RBM39: variants seen among roughly 807,000 people sequenced by gnomAD.
The protein encoded by RBM39 is RNA-binding protein 39.
RBM39 carries 12 observed loss-of-function variants against 79.6 expected under a neutral mutation model. That is an observed-to-expected ratio of 0.15 (90% CI 0.10 to 0.24). The LOEUF (loss-of-function observed/expected upper bound fraction) is 0.24. RBM39 is among the 10% of genes least tolerant of loss of function. The pLI is 1.00. For missense variants in RBM39, 243 were observed against 653.4 expected (o/e 0.37, Z 6.85); for synonymous variants, 185 against 208.4 (o/e 0.89, Z 0.97).
chr20:35,724,188 C>T (rs555191371), intron 8 of RBM39, among the ~76,000 whole-genome samples: 2 of 151,864 alleles, frequency 1.3e-5, no homozygotes, highest in African/African-American at 2.4e-5. Context: ...AAAAAGTAGC[C>T]GAACGTGGTG....
At chr20:35,720,621 AT>A (rs2037787643) in intron 9 of RBM39, among the ~76,000 whole-genome samples, 1 of 151,220 alleles carries the variant, frequency 6.6e-6, no homozygotes, top group Non-Finnish European at 1.5e-5. Context: ...AAAAAAAAAA[AT>A]TAGTCGAGCA....
At chr20:35,708,912 C>A (rs957387779) in intron 13 of RBM39, 13 of 228,534 alleles carry the variant, frequency 5.7e-5, no homozygotes, top group Non-Finnish European at 3.5e-5. Context: ...TACTTCATTT[C>A]CTGACTTCTA....
chr20:35,707,851 T>G, intron 13 of RBM39: 3 of 458,672 alleles, frequency 6.5e-6, no homozygotes, highest in South Asian at 4.8e-5. Flanking sequence ...TACTGGGGTT[T>G]GAAGTTTAAA....
intron 9 of RBM39, among the ~76,000 whole-genome samples, chr20:35,719,439 C>T (rs888172205): frequency 3.9e-5 from 6 of 152,222 alleles, no homozygotes; most frequent in Non-Finnish European, 8.8e-5. Context: ...CAGTGGCTCA[C>T]GCCTGTAATG....
intron 8 of RBM39, 116 bp from the exon 9 acceptor site, chr20:35,721,993 G>A (rs1049056036): frequency 3.7e-5 from 45 of 1,201,808 alleles, no homozygotes; most frequent in East Asian, 4.8e-5. Context: ...ACTACCCTAC[G>A]TAAGTCAGAT....
intron 3 of RBM39, chr20:35,734,168 G>C (rs1200042614): frequency 2.3e-6 from 3 of 1,287,444 alleles, no homozygotes; most frequent in Non-Finnish European, 3.1e-6. Flanking sequence ...ATTGAAAATA[G>C]AAAATGAAGA....
rs56410357 is a variant in RBM39, at chr20:35,728,670, G to A, written c.416+642C>T. Among the ~76,000 whole-genome samples, 469 of 152,202 alleles carry A rather than the reference G, an allele frequency of 3.1e-3. 3 individuals are homozygous for A. The East Asian group carries it at 0.041, about 13-fold the overall frequency. The stretch of plus-strand genomic sequence containing the variant: ...CACATGCCTGTACTCCCAGCTACTC[G>A]GGAGGCTGAGGCAGGAGAATCACTT... On this transcript the variant is annotated intron_variant, in intron 6 of 16. Transcript: ENST00000253363.
rs1472707935 is a variant in RBM39, at chr20:35,706,968, A to G, written c.1307+152T>C. On this transcript the variant is annotated intron_variant, in intron 14 of 16. Coordinates refer to ENST00000253363, the MANE Select transcript of RBM39 (RefSeq NM_184234.3). ...CTTGAACCCAGGAGGCGGAGGTTGC[A>G]GTAAGCCAAGATCGCGCCATTGCAC... 1.7e-5 allele frequency: 6 copies of G among 360,284 alleles called. No individual in the cohort carries two copies. The South Asian group carries it at 2.1e-4, about 13-fold the overall frequency. 22.3% of individuals were successfully genotyped at this position (360,284 alleles called of 1,614,324 possible).
chr20:35,710,011 A>T (rs2036202496), intron 12 of RBM39, among the ~76,000 whole-genome samples: 1 of 152,212 alleles, frequency 6.6e-6, no homozygotes. Flanking sequence ...ATTTTCTCAT[A>T]TAATCGTTAG....
intron 15 of RBM39, 50 bp from the exon 16 acceptor site, chr20:35,704,796 G>T: frequency 6.6e-7 from 1 of 1,525,162 alleles, no homozygotes; most frequent in South Asian, 1.2e-5. Flanking sequence ...ATGCAAAATG[G>T]ACCCAAGTTA....
intron 9 of RBM39, among the ~76,000 whole-genome samples, chr20:35,719,573 A>G (rs1485645930): frequency 1.3e-5 from 2 of 151,794 alleles, no homozygotes; most frequent in Non-Finnish European, 1.5e-5. Context: ...GCTACTCAGG[A>G]GGCTGAGGCA....
intron 9 of RBM39, among the ~76,000 whole-genome samples, chr20:35,718,202 TA>T (rs1351808919): frequency 6.6e-6 from 1 of 151,536 alleles, no homozygotes; most frequent in Non-Finnish European, 1.5e-5. Flanking sequence ...ACCAAAATTT[TA>T]AAAAAGAAAC....
chr20:35,725,783 C>A (rs1367160950), intron 6 of RBM39, among the ~76,000 whole-genome samples: 1 of 151,818 alleles, frequency 6.6e-6, no homozygotes, highest in Non-Finnish European at 1.5e-5. Flanking sequence ...GCTGCCTCAG[C>A]CTCCTGAGTA....
At position 35,702,073 on chromosome 20, in the gene RBM39, T is replaced by TA. The variant is rs961550766; in HGVS notation, c.*2407dup. ...TCCACAAAACTTACTAGTTTGATGA[T>TA]AAAAAGCTTCTGTAATGAGGCAGTT... On this transcript the variant is annotated 3_prime_UTR_variant, in exon 17 of 17. Transcript: ENST00000253363. 1 of 152,152 alleles carries TA rather than the reference T, an allele frequency of 6.6e-6. No individual in the cohort carries two copies. The highest frequency in any genetic ancestry group is 6.5e-5 in the Admixed American group (1 of 15,272). The allele number at this position is 152,152 out of a possible 1,614,324, so 9.4% of individuals were successfully genotyped here.
In RBM39 at chr20:35,725,184, T is replaced by C. The variant is rs768909870; in HGVS notation, c.417-29A>G. 6.1e-6 allele frequency: 8 copies of C among 1,310,592 alleles called. No homozygotes were observed. The East Asian group carries it at 1.9e-4, about 31-fold the overall frequency. 81.2% of individuals were successfully genotyped at this position (1,310,592 alleles called of 1,614,324 possible). A position where few individuals can be genotyped will look rare whatever the true frequency, so the allele number is the denominator to read the frequency against. On this transcript the variant is annotated intron_variant, in intron 6 of 16. Coordinates refer to ENST00000253363, the MANE Select transcript of RBM39 (RefSeq NM_184234.3). ...ATAGGAGTAAAACATATAAAATTAA[T>C]TTCATAACAGATTTTAAAATAATTT... is the stretch of plus-strand genomic sequence containing the variant.
In RBM39 at chr20:35,701,940, A is replaced by G. The variant is rs2035303441; in HGVS notation, c.*2541T>C. 1 of 148,778 alleles carries G rather than the reference A, an allele frequency of 6.7e-6. No individual in the cohort carries two copies. Among genetic ancestry groups the G allele is most frequent in the Non-Finnish European group, 1.5e-5 (1 of 67,744 alleles). 9.2% of individuals were successfully genotyped at this position (148,778 alleles called of 1,614,324 possible). ...ACCTAGTGGCTTTATCAGAAAAAGC[A>G]AAACAGTTCATCCACTGTAAAAAAA... is the stretch of plus-strand genomic sequence containing the variant. On this transcript the variant is annotated 3_prime_UTR_variant, in exon 17 of 17. Coordinates refer to ENST00000253363, the MANE Select transcript of RBM39 (RefSeq NM_184234.3).
chr20:35,742,002 CTG>C lies in RBM39; in HGVS notation c.-77_-76del. The C allele has an allele frequency of 1.2e-5, 3 of 257,536 alleles. No individual in the cohort carries two copies. Among genetic ancestry groups the C allele is most frequent in the Non-Finnish European group, 2.3e-5 (3 of 128,654 alleles). The allele number at this position is 257,536 out of a possible 1,614,324, so 16.0% of individuals were successfully genotyped here. On this transcript the variant is annotated 5_prime_UTR_variant, in exon 1 of 17. Transcript: ENST00000253363. ...CGGGAAGAGATTGCTGCTGCTGCTG[CTG>C]CTGCTGCCGCCGCCGCCGCTTCTGT...
chr20:35,730,737 A>C (rs755425260), intron 4 of RBM39, among the ~76,000 whole-genome samples: 4 of 151,976 alleles, frequency 2.6e-5, no homozygotes, highest in Admixed American at 6.6e-5. Context: ...GATTTAACAT[A>C]ATCCCATTTT....
chr20:35,722,412 AAATAAAAAT>A (rs1363228572), intron 8 of RBM39, among the ~76,000 whole-genome samples: 1 of 133,870 alleles, frequency 7.5e-6, no homozygotes, highest in Non-Finnish European at 1.5e-5. Flanking sequence ...GTCTCAAAAA[AAATAAAAAT>A]AAAAAAAAAA....
Sources: allele counts gnomAD v4.1 joint callset (sites outside exome capture counted in the v4.1 genomes callset), GRCh38; gene constraint gnomAD v4.1.1; transcripts MANE v1.5; gene names NCBI Gene and HGNC (gene_info 2026-07-23, HGNC 2026-07-21).